Variants in COL28A1 observed in about 807,000 individuals in gnomAD.
COL28A1 encodes the protein collagen alpha-1(XXVIII) chain.
A neutral mutation model predicts 150.2 loss-of-function variants in COL28A1; 161 were observed. That is an observed-to-expected ratio of 1.07 (90% CI 0.94 to 1.22). The LOEUF (loss-of-function observed/expected upper bound fraction) is 1.22, where lower values mean the gene tolerates loss of function less well. Among genes scored for constraint, COL28A1 ranks in the 50% most tolerant of loss-of-function variants. COL28A1 has a pLI of 0.00. For missense variants in COL28A1, 1,617 were observed against 1,388.3 expected, an observed-to-expected ratio of 1.16 and a Z score of -2.62; for synonymous variants, 552 against 469.7, an observed-to-expected ratio of 1.18 and a Z score of -2.26.
chr7:7,426,369 C>A (rs1342934277), intron 25 of COL28A1, among the ~76,000 whole-genome samples: 1 of 152,156 alleles, frequency 6.6e-6, no homozygotes, highest in African/African-American at 2.4e-5. Flanking sequence ...GTGTTAGGAC[C>A]TCTAGAATAC....
At chr7:7,397,247 C>A (rs1364118098) in intron 27 of COL28A1, among the ~76,000 whole-genome samples, 2 of 152,074 alleles carry the variant, frequency 1.3e-5, no homozygotes, top group African/African-American at 4.8e-5. Flanking sequence ...AACAGTTTTC[C>A]TCCATCTTCC....
At chr7:7,539,535 G>T (rs374654924), upstream of COL28A1, among the ~76,000 whole-genome samples, 5 of 152,252 alleles carry the variant, frequency 3.3e-5, 1 homozygote, top group South Asian at 8.3e-4. Context: ...TTTGGAGGGG[G>T]CAAATATGCA....
chr7:7,538,642 G>A (rs1031217749), upstream of COL28A1, among the ~76,000 whole-genome samples: 33 of 152,150 alleles, frequency 2.2e-4, no homozygotes, highest in African/African-American at 7.9e-4. Context: ...CAGTGGTGAT[G>A]ATATTTTGGG....
In COL28A1 at chr7:7,392,482, G is replaced by T. The variant is rs186462816; in HGVS notation, c.2137-10870C>A. Among the ~76,000 whole-genome samples, 1,324 of 152,240 alleles carry T rather than the reference G, an allele frequency of 8.7e-3. 8 individuals are homozygous for T. Among genetic ancestry groups the T allele is most frequent in the South Asian group, 0.03 (145 of 4,814 alleles). Reference sequence around the variant, plus strand: ...GTTGCTCTTCTCGAGGAGTATCTTTGTGGTGGTCTCTGTAATTTCTGAATT... The same window carrying T: ...GTTGCTCTTCTCGAGGAGTATCTTTTTGGTGGTCTCTGTAATTTCTGAATT... On this transcript the variant is annotated intron_variant, in intron 27 of 34. Transcript: ENST00000399429.
At chr7:7,357,464 G>C (rs1053487260), downstream of COL28A1, among the ~76,000 whole-genome samples, 7 of 152,184 alleles carry the variant, frequency 4.6e-5, no homozygotes, top group East Asian at 1.2e-3. Context: ...TTCGTGACCA[G>C]CCTGACCAAC....
At chr7:7,414,357 A>C (rs1783950432) in intron 27 of COL28A1, among the ~76,000 whole-genome samples, 8 of 152,226 alleles carry the variant, frequency 5.3e-5, no homozygotes, top group Admixed American at 5.2e-4. Context: ...AGGCCATTTT[A>C]GGATCAAACA....
chr7:7,437,977 G>A (rs1052399012), intron 21 of COL28A1, among the ~76,000 whole-genome samples: 2 of 145,142 alleles, frequency 1.4e-5, no homozygotes, highest in Admixed American at 6.8e-5. Flanking sequence ...GCTCACACCT[G>A]TAATCCCAGC....
rs181870742 is a variant in COL28A1 at position 7,476,589 on chromosome 7, T to G, written c.1233+523A>C. ...ACAGAAAAAGTTTGCCAACCTTTGG[T>G]GCAGAACAACTTGAGCTCCAAGAAT... is the stretch of plus-strand genomic sequence containing the variant. On this transcript the variant is annotated intron_variant, in intron 14 of 34. Transcript: ENST00000399429. Among the ~76,000 whole-genome samples, 4 of 152,356 alleles carry G rather than the reference T, an allele frequency of 2.6e-5. No homozygotes were observed. In the East Asian group the frequency reaches 7.7e-4, roughly 29 times the overall value.
intron 18 of COL28A1, among the ~76,000 whole-genome samples, chr7:7,451,133 C>T (rs540594718): frequency 6.6e-6 from 1 of 152,176 alleles, no homozygotes; most frequent in East Asian, 1.9e-4. Context: ...AGTCTAGAGT[C>T]AGTGTGGTAA....
chr7:7,350,880 G>C, the COL28A1 span, among the ~76,000 whole-genome samples: 1 of 152,130 alleles, frequency 6.6e-6, no homozygotes, highest in African/African-American at 2.4e-5. Context: ...TACAAATAAT[G>C]TCAAGAAACT....
At chr7:7,444,392 C>T (rs1786082353) in intron 19 of COL28A1, 26 bp downstream of exon 19, 2 of 1,613,398 alleles carry the variant, frequency 1.2e-6, no homozygotes, top group African/African-American at 1.3e-5. Context: ...GTTCCTACTC[C>T]AGTAATACGA....
At chr7:7,385,164 G>C (rs116554921) in intron 27 of COL28A1, among the ~76,000 whole-genome samples, 2,369 of 152,322 alleles carry the variant, frequency 0.016, 56 homozygotes, top group African/African-American at 0.053. Context: ...TATCTCTTAA[G>C]AAAGATGTCT....
chr7:7,412,327 G>A (rs1405349117), intron 27 of COL28A1, among the ~76,000 whole-genome samples: 2 of 152,144 alleles, frequency 1.3e-5, no homozygotes, highest in Admixed American at 6.5e-5. Flanking sequence ...CCACCAACCA[G>A]GAACACACAC....
intron 15 of COL28A1, among the ~76,000 whole-genome samples, chr7:7,471,968 G>A (rs1788469215): frequency 6.6e-6 from 1 of 152,074 alleles, no homozygotes; most frequent in African/African-American, 2.4e-5. Context: ...ACAAAATCCA[G>A]CATCCCTTTA....
chr7:7,358,843 T>C lies in COL28A1; in HGVS notation c.3206-38A>G, dbSNP rs756810942. On this transcript the variant is annotated intron_variant, in intron 34 of 34. Coordinates refer to ENST00000399429, the MANE Select transcript of COL28A1 (RefSeq NM_001037763.3). ...AAGGAAAATGTGTCACGGATTTTTC[T>C]TATACTGAAGACATGAAAAATAAAA... 13 of 1,539,490 alleles carry C rather than the reference T, an allele frequency of 8.4e-6. No homozygotes were observed. In the Admixed American group the frequency reaches 1.5e-4, roughly 18 times the overall value.
upstream of COL28A1, among the ~76,000 whole-genome samples, chr7:7,540,667 G>C (rs985658032): frequency 6.6e-6 from 1 of 152,184 alleles, no homozygotes; most frequent in African/African-American, 2.4e-5. Flanking sequence ...AAAGGAAGCT[G>C]TATGGCTAAT....
chr7:7,516,743 A>G (rs1376149903), intron 7 of COL28A1, among the ~76,000 whole-genome samples: 5 of 151,912 alleles, frequency 3.3e-5, no homozygotes, highest in Non-Finnish European at 7.4e-5. Flanking sequence ...TGACTTTTTT[A>G]TTAATACTAT....
At chr7:7,424,026 T>C (rs936986239) in intron 25 of COL28A1, among the ~76,000 whole-genome samples, 1 of 152,226 alleles carries the variant, frequency 6.6e-6, no homozygotes, top group Non-Finnish European at 1.5e-5. Flanking sequence ...ATCCATATAA[T>C]TGTTGACATA....
chr7:7,406,305 G>C (rs766434348), intron 27 of COL28A1, among the ~76,000 whole-genome samples: 1 of 152,130 alleles, frequency 6.6e-6, no homozygotes, highest in Non-Finnish European at 1.5e-5. Context: ...TATTACTGCA[G>C]GTGGAGCTTG....
Sources: allele counts gnomAD v4.1 joint callset (sites outside exome capture counted in the v4.1 genomes callset), GRCh38; gene constraint gnomAD v4.1.1; transcripts MANE v1.5; gene names NCBI Gene and HGNC (gene_info 2026-07-23, HGNC 2026-07-21).